Variants in USP32 observed in about 807,000 individuals in gnomAD.
The protein encoded by USP32 is ubiquitin specific peptidase 32.
A neutral mutation model predicts 204.8 loss-of-function variants in USP32; 59 were observed. The observed-to-expected ratio is 0.29, with a 90% CI of 0.23 to 0.36. The LOEUF is 0.36. Ranked by LOEUF, USP32 falls within the 10% of genes least tolerant of loss-of-function variation. The pLI is 1.00. For synonymous variants in USP32, 517 were observed against 678.4 expected (o/e 0.76, Z 3.70); for missense variants, 1,160 against 1,946.4 (o/e 0.60, Z 7.60).
At chr17:60,318,851 G>A (rs2088046259) in intron 2 of USP32, among the ~76,000 whole-genome samples, 2 of 152,326 alleles carry the variant, frequency 1.3e-5, no homozygotes, top group Middle Eastern at 3.4e-3. Context: ...AAGGATGTGA[G>A]TGAAAAATTG....
chr17:60,291,314 GAGA>G (rs1250332771), intron 4 of USP32, among the ~76,000 whole-genome samples: 2 of 152,164 alleles, frequency 1.3e-5, no homozygotes, highest in African/African-American at 2.4e-5. Context: ...CTTCTAAAAA[GAGA>G]AGAATAGCAT....
At chr17:60,331,406 A>G (rs1444860680) in intron 2 of USP32, among the ~76,000 whole-genome samples, 1 of 150,778 alleles carries the variant, frequency 6.6e-6, no homozygotes, top group East Asian at 2.0e-4. Flanking sequence ...TCTCTACAAA[A>G]AAATACAAGT....
intron 1 of USP32, among the ~76,000 whole-genome samples, chr17:60,367,945 A>G (rs73320775): frequency 9.7e-4 from 147 of 151,944 alleles, no homozygotes; most frequent in African/African-American, 3.1e-3. Flanking sequence ...CGGCACTTAC[A>G]CTGTATTAGG....
At chr17:60,414,620 G>C (rs1015975196) in intron 1 of USP32, among the ~76,000 whole-genome samples, 1 of 151,386 alleles carries the variant, frequency 6.6e-6, no homozygotes, top group South Asian at 2.1e-4. Context: ...GTAGAGACGG[G>C]GTTTTGCCAT....
chr17:60,395,844 C>A (rs1357389514), upstream of USP32, among the ~76,000 whole-genome samples: 6 of 152,082 alleles, frequency 3.9e-5, no homozygotes, highest in Non-Finnish European at 8.8e-5. Context: ...ATAGGACAGT[C>A]ATTTTAGTAC....
In USP32 at chr17:60,255,313, T is replaced by C. The variant is rs1364896370; in HGVS notation, c.991-55A>G. 4 of 1,410,364 alleles carry C rather than the reference T, an allele frequency of 2.8e-6. No individual in the cohort carries two copies. The East Asian group carries it at 9.4e-5, about 33-fold the overall frequency. The allele number at this position is 1,410,364 out of a possible 1,614,324, so 87.4% of individuals were successfully genotyped here. On this transcript the variant is annotated intron_variant, in intron 9 of 33. Coordinates refer to ENST00000300896, the MANE Select transcript of USP32 (RefSeq NM_032582.4). Reference sequence around the variant, plus strand: ...TCTTTTTTTTCTTTTTTTTTTTTTTTTTGAGACGGAGTCTCATACTGTTGC... The same window carrying C: ...TCTTTTTTTTCTTTTTTTTTTTTTTCTTGAGACGGAGTCTCATACTGTTGC...
At chr17:60,387,005 G>A (rs577533648) in intron 1 of USP32, among the ~76,000 whole-genome samples, 18 of 152,182 alleles carry the variant, frequency 1.2e-4, no homozygotes, top group Non-Finnish European at 2.5e-4. Context: ...AGGCTTAACC[G>A]AAACCAACAA....
chr17:60,346,116 T>C (rs2088780410), intron 1 of USP32, among the ~76,000 whole-genome samples: 1 of 135,094 alleles, frequency 7.4e-6, no homozygotes. Flanking sequence ...ATAAGTATAA[T>C]TTTTTTTTTT....
intron 1 of USP32, among the ~76,000 whole-genome samples, chr17:60,358,496 C>A (rs1373755316): frequency 2.6e-5 from 4 of 152,054 alleles, no homozygotes. Flanking sequence ...AATCATTGAA[C>A]CCAGTAGGTA....
intron 29 of USP32, 137 bp from the exon 30 acceptor site, chr17:60,185,788 A>G (rs969682621): frequency 1.9e-5 from 20 of 1,033,524 alleles, no homozygotes; most frequent in South Asian, 4.5e-5. Context: ...CTGGCTGGGT[A>G]TGGTGGCTCA....
chr17:60,409,570 A>G (rs1345541199), intron 1 of USP32, among the ~76,000 whole-genome samples: 1 of 151,982 alleles, frequency 6.6e-6, no homozygotes, highest in East Asian at 1.9e-4. Context: ...CTCTGAAACC[A>G]CCCTTGCAAA....
intron 11 of USP32, among the ~76,000 whole-genome samples, chr17:60,250,657 A>C (rs2086142243): frequency 6.6e-6 from 1 of 152,134 alleles, no homozygotes; most frequent in Non-Finnish European, 1.5e-5. Context: ...ATATTTAAAA[A>C]ACTACATGAA....
chr17:60,312,273 T>A (rs1309139437), intron 2 of USP32, among the ~76,000 whole-genome samples: 1 of 152,176 alleles, frequency 6.6e-6, no homozygotes, highest in East Asian at 1.9e-4. Flanking sequence ...AGCTCATAAC[T>A]TTTGCTTGAA....
rs772892066 is a variant in USP32, at chr17:60,198,338, T to C, written c.3356A>G (p.Tyr1119Cys). ...CTVHTRKKDL[Y>C]DAVWIQVSRL... ...GGATACTTGAATCCAAACCGCATCA[T>C]ATAGGTCTTTCTTCCGGGTATGCAC... The change falls in exon 27 of 34, where the codon TAT (tyrosine) becomes TGT (cysteine). Residue 1119 changes from tyrosine (Y) to cysteine (C), a missense_variant. Around this residue, in one of 8 missense-constraint regions of USP32, gnomAD observed 160 missense variants for 322.5 expected, o/e 0.50. Coordinates refer to ENST00000300896, the MANE Select transcript of USP32 (RefSeq NM_032582.4). 21 of 1,614,160 alleles carry C rather than the reference T, an allele frequency of 1.3e-5. No individual in the cohort carries two copies. Among genetic ancestry groups the C allele is most frequent in the Non-Finnish European group, 1.8e-5 (21 of 1,180,006 alleles).
At chr17:60,363,619 T>C (rs1470911007) in intron 1 of USP32, among the ~76,000 whole-genome samples, 1 of 151,756 alleles carries the variant, frequency 6.6e-6, no homozygotes, top group Non-Finnish European at 1.5e-5. Context: ...CCTTAGTAGC[T>C]GGGACCATAG....
At chr17:60,346,762 A>G (rs558936292) in intron 1 of USP32, among the ~76,000 whole-genome samples, 1 of 152,240 alleles carries the variant, frequency 6.6e-6, no homozygotes, top group South Asian at 2.1e-4. Context: ...CCAGATGAAG[A>G]TAATTACATT....
chr17:60,316,196 G>A (rs1354442369), intron 2 of USP32: 3 of 254,042 alleles, frequency 1.2e-5, no homozygotes, highest in South Asian at 8.4e-5. Context: ...CTACCTTGCC[G>A]CATATATGGA....
At chr17:60,404,114 C>T (rs961620976) in intron 1 of USP32, among the ~76,000 whole-genome samples, 3 of 151,768 alleles carry the variant, frequency 2.0e-5, no homozygotes, top group African/African-American at 7.3e-5. Flanking sequence ...CTGGGGATTA[C>T]TTCCCATCCC....
chr17:60,201,279 C>A (rs1385364601), intron 26 of USP32, among the ~76,000 whole-genome samples: 1 of 152,182 alleles, frequency 6.6e-6, no homozygotes, highest in East Asian at 1.9e-4. Context: ...CTTAATATAT[C>A]TCAGCTTCCC....
Sources: gnomAD v4.1 joint callset for allele counts (sites outside exome capture counted in the v4.1 genomes callset) on GRCh38, gnomAD v4.1.1 for gene constraint, gnomAD v4.1.1 regional missense constraint, MANE v1.5 for transcripts, NCBI Gene and HGNC (gene_info 2026-07-23, HGNC 2026-07-21) for gene names.